Variants in PHEX observed in about 807,000 individuals in gnomAD.
PHEX encodes the protein phosphate regulating endopeptidase X-linked.
In PHEX, 16 loss-of-function variants were observed where a neutral mutation model predicts 68.0. The observed-to-expected ratio is 0.24, with a 90% CI of 0.16 to 0.36. The LOEUF is 0.36. Among genes scored for constraint, PHEX ranks in the 10% least tolerant of loss-of-function variants. The pLI, the probability that PHEX is intolerant of heterozygous loss-of-function variation, is 1.00. For missense variants in PHEX, 480 were observed against 575.5 expected (o/e 0.83, Z 1.70); for synonymous variants, 208 against 205.1 (o/e 1.01, Z -0.12).
chrX:22,102,651 A>C (rs908302542), intron 9 of PHEX, among the ~76,000 whole-genome samples: 1 of 112,486 alleles, frequency 8.9e-6, no homozygotes, highest in African/African-American at 3.2e-5. Context: ...GATAAAGAGG[A>C]ATTTTCTAGG....
chrX:22,108,153 C>T (rs112498148), intron 9 of PHEX, among the ~76,000 whole-genome samples: 5 of 111,417 alleles, frequency 4.5e-5, no homozygotes, highest in African/African-American at 1.6e-4. Context: ...AAGGAATGAC[C>T]CCAAACCACT....
chrX:22,077,615 A>C lies in PHEX; in HGVS notation c.576A>C (p.Ala192=). 2 of 1,211,009 alleles carry C rather than the reference A, an allele frequency of 1.7e-6. No homozygotes were observed. Among genetic ancestry groups the C allele is most frequent in the East Asian group, 3.0e-5 (1 of 33,813 alleles). The change falls in exon 5 of 22, where the codon GCA becomes GCC. Residue 192 remains alanine, a synonymous_variant. Coordinates refer to ENST00000379374, the MANE Select transcript of PHEX (RefSeq NM_000444.6). The stretch of plus-strand genomic sequence containing the variant: ...AGTTCAGCCTTCTGCAGACACTTGC[A>C]ACGTTTCGTGGTCAATACAGCAATT... ...ERKFSLLQTL[A]TFRGQYSNSV... is the part of the protein sequence containing the mutation.
chrX:22,079,150 G>A (rs1176700135), intron 5 of PHEX, among the ~76,000 whole-genome samples: 1 of 112,053 alleles, frequency 8.9e-6, no homozygotes, highest in East Asian at 2.8e-4. Context: ...TTAAGTTTAA[G>A]TTTATACATT....
chrX:22,153,894 T>C (rs755853248), intron 12 of PHEX, among the ~76,000 whole-genome samples: 3 of 112,191 alleles, frequency 2.7e-5, no homozygotes, highest in African/African-American at 6.5e-5. Flanking sequence ...TACTTAAAAA[T>C]AGATTTTGCG....
chrX:22,185,035 T>C (rs991620539), intron 14 of PHEX, among the ~76,000 whole-genome samples: 2 of 112,142 alleles, frequency 1.8e-5, no homozygotes, highest in African/African-American at 6.5e-5. Context: ...CTATTTTATA[T>C]GGTCCAAAGA....
At chrX:22,037,242 AG>A (rs1278892641) in intron 1 of PHEX, among the ~76,000 whole-genome samples, 1 of 111,177 alleles carries the variant, frequency 9.0e-6, no homozygotes, top group Non-Finnish European at 1.9e-5. Context: ...CCATTTAGAG[AG>A]TGGGTTAATA....
chrX:22,119,876 C>A (rs1413334339), intron 11 of PHEX, among the ~76,000 whole-genome samples: 3 of 110,868 alleles, frequency 2.7e-5, no homozygotes, highest in Non-Finnish European at 5.7e-5. Context: ...GGATTATAGA[C>A]GTGAGCCACC....
chrX:22,215,831 T>G (rs940593393), intron 16 of PHEX, among the ~76,000 whole-genome samples: 9 of 111,008 alleles, frequency 8.1e-5, no homozygotes, highest in Non-Finnish European at 1.5e-4. Context: ...AATTCATGAC[T>G]GAAGAATAAG....
At chrX:22,144,114 G>T (rs1932576748) in intron 12 of PHEX, among the ~76,000 whole-genome samples, 1 of 111,253 alleles carries the variant, frequency 9.0e-6, no homozygotes, top group African/African-American at 3.3e-5. Flanking sequence ...ATGAAATGGG[G>T]ACAAATACTT....
At chrX:22,216,268 G>C (rs1935083895) in intron 16 of PHEX, among the ~76,000 whole-genome samples, 1 of 111,623 alleles carries the variant, frequency 9.0e-6, no homozygotes, top group Admixed American at 9.5e-5. Context: ...GTGAGATCAT[G>C]ATTAAGCTAG....
At chrX:22,166,201 G>A (rs1933311870) in intron 12 of PHEX, among the ~76,000 whole-genome samples, 1 of 111,472 alleles carries the variant, frequency 9.0e-6, no homozygotes, top group African/African-American at 3.3e-5. Flanking sequence ...AATCTTTCTG[G>A]CATCCTGGCC....
chrX:22,090,531 C>G, intron 6 of PHEX, 34 bp downstream of exon 6: 1 of 1,027,209 alleles, frequency 9.7e-7, no homozygotes, highest in Admixed American at 2.2e-5. Flanking sequence ...ATGTGCCTTA[C>G]CAGGCTGCTG....
intron 11 of PHEX, among the ~76,000 whole-genome samples, chrX:22,124,628 AT>A (rs1189471566): frequency 8.9e-6 from 1 of 112,412 alleles, no homozygotes; most frequent in Admixed American, 9.4e-5. Context: ...ACTTGTAAAT[AT>A]TATTCTGGTT....
At chrX:22,224,985 C>CGCTG (rs1935418804) in intron 18 of PHEX, among the ~76,000 whole-genome samples, 1 of 107,163 alleles carries the variant, frequency 9.3e-6, no homozygotes, top group African/African-American at 3.4e-5. Context: ...TATCATACAG[C>CGCTG]TCTGTATGTC....
At chrX:22,156,434 T>A (rs1466119133) in intron 12 of PHEX, among the ~76,000 whole-genome samples, 1 of 108,780 alleles carries the variant, frequency 9.2e-6, no homozygotes, top group Non-Finnish European at 1.9e-5. Flanking sequence ...AAGGGAAGCA[T>A]GGAGAAAGCC....
intron 20 of PHEX, among the ~76,000 whole-genome samples, chrX:22,236,156 T>G (rs1971997182): frequency 1.8e-5 from 2 of 112,028 alleles, no homozygotes; most frequent in Admixed American, 1.9e-4. Context: ...ACTCTTCCCC[T>G]TCAGATGATT....
At chrX:22,211,744 A>AT (rs1489138387) in intron 15 of PHEX, among the ~76,000 whole-genome samples, 2 of 112,562 alleles carry the variant, frequency 1.8e-5, no homozygotes, top group Admixed American at 1.9e-4. Flanking sequence ...TGGGTAATTT[A>AT]TAAAGGTAAG....
rs1016100906 is a variant in PHEX at position 22,032,874 on chromosome X, T to A, written c.-132T>A. The A allele has an allele frequency of 7.3e-6, 4 of 549,968 alleles. No individual in the cohort carries two copies. In the African/African-American group the frequency reaches 9.1e-5, roughly 13 times the overall value. 45.3% of individuals were successfully genotyped at this position (549,968 alleles called of 1,213,427 possible). A position where few individuals can be genotyped will look rare whatever the true frequency, so the allele number is the denominator to read the frequency against. ...GAAAGGGTGGCGAGGGGAGATTTCC[T>A]GACGGCAGTTTCTTAAGCTGTCCAT... On this transcript the variant is annotated 5_prime_UTR_variant, in exon 1 of 22. Coordinates refer to ENST00000379374, the MANE Select transcript of PHEX (RefSeq NM_000444.6).
intron 5 of PHEX, among the ~76,000 whole-genome samples, chrX:22,084,487 C>T (rs1929531755): frequency 1.9e-5 from 2 of 107,110 alleles, no homozygotes; most frequent in African/African-American, 3.4e-5. Flanking sequence ...GTTTTGGTAT[C>T]GGGGTAATGC....
Sources: gnomAD v4.1 joint callset for allele counts (sites outside exome capture counted in the v4.1 genomes callset) on GRCh38, gnomAD v4.1.1 for gene constraint, MANE v1.5 for transcripts, NCBI Gene and HGNC (gene_info 2026-07-23, HGNC 2026-07-21) for gene names.